The following HTRA3 variants were observed in gnomAD, a reference collection of about 807,000 sequenced individuals.
HTRA3 encodes the protein serine protease HTRA3.
A neutral mutation model predicts 43.2 loss-of-function variants in HTRA3; 41 were observed. That is an observed-to-expected ratio of 0.95 (90% CI 0.74 to 1.23). The LOEUF (loss-of-function observed/expected upper bound fraction) is 1.23, where lower values mean the gene tolerates loss of function less well. Ranked by LOEUF, HTRA3 falls within the 50% of genes most tolerant of loss-of-function variation. HTRA3 has a pLI of 0.00. For missense variants in HTRA3, 628 were observed against 647.1 expected, an observed-to-expected ratio of 0.97 and a Z score of 0.32; for synonymous variants, 295 against 287.9, an observed-to-expected ratio of 1.02 and a Z score of -0.25.
chr4:8,304,651 T>G (rs866516005), intron 8 of HTRA3, among the ~76,000 whole-genome samples: 22,246 of 114,820 alleles, frequency 0.19, 3,043 homozygotes, highest in South Asian at 0.27. Context: ...TTGTTTTTTT[T>G]TTTTTTTTTT....
At chr4:8,305,945 G>A (rs1352420517) in intron 8 of HTRA3, 26 bp from the exon 9 acceptor site, 21 of 1,610,776 alleles carry the variant, frequency 1.3e-5, no homozygotes, top group African/African-American at 2.7e-5. Context: ...GGCGGTGGGT[G>A]GTGACCCCGT....
chr4:8,282,548 C>A lies in HTRA3; in HGVS notation c.485+12C>A. 9 of 1,593,238 alleles carry A rather than the reference C, an allele frequency of 5.6e-6. No homozygotes were observed. The highest frequency in any genetic ancestry group is 7.7e-6 in the Non-Finnish European group (9 of 1,161,742). On this transcript the variant is annotated intron_variant, in intron 2 of 8. Transcript: ENST00000307358. Reference sequence around the variant, plus strand: ...GAGCTCTTCCTGAGGTGGGTGAATACCCCTCGCCCCTCTCTGCCTCCTGGT... The same window carrying A: ...GAGCTCTTCCTGAGGTGGGTGAATAACCCTCGCCCCTCTCTGCCTCCTGGT...
chr4:8,278,261 T>C (rs1486558088), intron 1 of HTRA3, among the ~76,000 whole-genome samples: 1 of 152,038 alleles, frequency 6.6e-6, no homozygotes, highest in Non-Finnish European at 1.5e-5. Flanking sequence ...TTGTCTCCCC[T>C]GCCCTGTTGC....
intron 3 of HTRA3, among the ~76,000 whole-genome samples, chr4:8,289,487 G>T (rs1713140117): frequency 6.6e-6 from 1 of 152,242 alleles, no homozygotes; most frequent in Non-Finnish European, 1.5e-5. Flanking sequence ...GAGACTAGGG[G>T]CAGGTCTGTC....
Position 8,302,325 on chromosome 4 carries a change from A to G in HTRA3, c.1052-138A>G, listed in dbSNP as rs541685793. ...GGCAGCTTTGCTGGACCGCAGGGGG[A>G]CTGGGCCAGCTCAAGCAGAATGACA... On this transcript the variant is annotated intron_variant, in intron 6 of 8. Coordinates refer to ENST00000307358, the MANE Select transcript of HTRA3 (RefSeq NM_053044.5). The G allele has an allele frequency of 1.6e-4, 125 of 759,008 alleles. No homozygotes were observed. The East Asian group carries it at 3.1e-3, about 19-fold the overall frequency. 47.0% of individuals were successfully genotyped at this position (759,008 alleles called of 1,614,324 possible).
chr4:8,288,016 C>A (rs1713064971), intron 3 of HTRA3, among the ~76,000 whole-genome samples: 1 of 152,194 alleles, frequency 6.6e-6, no homozygotes, highest in South Asian at 2.1e-4. Context: ...GGGAAGTTCA[C>A]CTTGGCTGGT....
At position 8,296,347 on chromosome 4, in the gene HTRA3, T is replaced by C. The variant is rs1229782281; in HGVS notation, c.1051+2146T>C. 1.3e-5 allele frequency: 13 copies of C among 985,368 alleles called. No homozygotes were observed. The highest frequency in any genetic ancestry group is 5.2e-5 in the African/African-American group (3 of 57,250). 61.0% of individuals were successfully genotyped at this position (985,368 alleles called of 1,614,324 possible). A position where few individuals can be genotyped will look rare whatever the true frequency, so the allele number is the denominator to read the frequency against. ...AGCTGTGTCCCCTCCCCAAGGACAG[T>C]GCAGACTAACTGAGGAGCCTGATAA... On this transcript the variant is annotated intron_variant, in intron 6 of 8. Transcript: ENST00000307358. The surrounding 1 kb of genome is among the most constrained non-coding windows in gnomAD (Gnocchi z 5.3).
In HTRA3 at chr4:8,306,073, A is replaced by G. The variant is rs781568781; in HGVS notation, c.1299A>G (p.Leu433=). ...QEAVLTESPL[L]LEVRRGNDDL... The stretch of plus-strand genomic sequence containing the variant: ...CCGTGCTGACCGAGTCTCCTCTCCT[A>G]CTGGAGGTGCGGCGGGGGAACGACG... Residue 433 remains leucine, a synonymous_variant, in exon 9 of 9, where the codon CTA becomes CTG. Coordinates refer to ENST00000307358, the MANE Select transcript of HTRA3 (RefSeq NM_053044.5). This position sits in a 1 kb window ranked among gnomAD's most constrained non-coding sequence, Gnocchi z 8.9. 97 of 1,610,624 alleles carry G rather than the reference A, an allele frequency of 6.0e-5. No individual in the cohort carries two copies. Among genetic ancestry groups the G allele is most frequent in the Non-Finnish European group, 3.3e-5 (39 of 1,178,030 alleles).
intron 3 of HTRA3, among the ~76,000 whole-genome samples, chr4:8,290,658 C>G (rs543586222): frequency 1.3e-5 from 2 of 152,314 alleles, no homozygotes; most frequent in African/African-American, 2.4e-5. Context: ...AACAAGCACC[C>G]GGGATTACCT....
In HTRA3 at chr4:8,286,693, G is replaced by A. The variant is rs752677540; in HGVS notation, c.618G>A (p.Lys206=). 2 of 1,614,046 alleles carry A rather than the reference G, an allele frequency of 1.2e-6. No individual in the cohort carries two copies. The highest frequency in any genetic ancestry group is 1.7e-6 in the Non-Finnish European group (2 of 1,180,012). Residue 206 remains lysine (K), a synonymous_variant, in exon 3 of 9, where the codon AAG becomes AAA. Transcript: ENST00000307358. This position sits in a 1 kb window ranked among gnomAD's most constrained non-coding sequence, Gnocchi z 4.9. ...NSAAPGRQQL[K]VQLQNGDSYE... is the part of the protein sequence containing the mutation. ...CTGCCCCGGGCAGGCAGCAGCTCAA[G>A]GTGCAGCTACAGAATGGGGACTCCT...
chr4:8,298,631 G>T (rs1332310714), intron 6 of HTRA3, among the ~76,000 whole-genome samples: 5 of 151,956 alleles, frequency 3.3e-5, no homozygotes, highest in African/African-American at 9.7e-5. Flanking sequence ...TACTTTTTGA[G>T]GTTTCAGATT....
At chr4:8,276,112 T>C (rs1712513618) in intron 1 of HTRA3, among the ~76,000 whole-genome samples, 1 of 152,204 alleles carries the variant, frequency 6.6e-6, no homozygotes, top group African/African-American at 2.4e-5. Context: ...AATTGTGCAA[T>C]GTACAGCCTG....
rs1560144611 is a variant in HTRA3 at position 8,304,643 on chromosome 4, G to GTTTTTTGTGTTTTTTTTTTTTTTT, written c.1196+370_1196+371insGTGTTTTTTTTTTTTTTTTTTTTT. Among the ~76,000 whole-genome samples, 3 of 62,736 alleles carry GTTTTTTGTGTTTTTTTTTTTTTTT rather than the reference G, an allele frequency of 4.8e-5. 1 individual carries two copies. Among genetic ancestry groups the GTTTTTTGTGTTTTTTTTTTTTTTT allele is most frequent in the African/African-American group, 1.4e-4 (2 of 14,630 alleles). The allele number at this position is 62,736 out of a possible 152,430, so 41.2% of individuals were successfully genotyped here. The stretch of plus-strand genomic sequence containing the variant: ...TAAAGTGGAGATAATTCAGCCTATT[G>GTTTTTTGTGTTTTTTTTTTTTTTT]TTTTTTTTTTTTTTTTTTTTTTTTT... On this transcript the variant is annotated intron_variant, in intron 8 of 8. Transcript: ENST00000307358.
intron 1 of HTRA3, among the ~76,000 whole-genome samples, chr4:8,281,612 G>A (rs1264057249): frequency 1.3e-5 from 2 of 152,254 alleles, no homozygotes; most frequent in Non-Finnish European, 2.9e-5. Context: ...GGAGCCACGA[G>A]CGAGGCTGAG....
chr4:8,274,831 A>G (rs947835159), intron 1 of HTRA3, among the ~76,000 whole-genome samples: 1 of 152,242 alleles, frequency 6.6e-6, no homozygotes, highest in Admixed American at 6.5e-5. Context: ...GTAGAGCCCC[A>G]GAGCAGTTTA....
chr4:8,289,451 G>A (rs1157946190), intron 3 of HTRA3, among the ~76,000 whole-genome samples: 4 of 152,202 alleles, frequency 2.6e-5, no homozygotes, highest in African/African-American at 7.2e-5. Flanking sequence ...ACCCCCGCTC[G>A]AGGACCCCTG....
Position 8,288,932 on chromosome 4 carries a change from T to TCCTTCCTC in HTRA3, c.708+2152_708+2153insTCCTCCCT, listed in dbSNP as rs1560138850. On this transcript the variant is annotated intron_variant, in intron 3 of 8. Coordinates refer to ENST00000307358, the MANE Select transcript of HTRA3 (RefSeq NM_053044.5). Reference sequence around the variant, plus strand: ...TTCCTTCCTTCCTTCCTTCCTTCCTTCCTCCCTTCCTCCCCCTCTCTCTCT... The same window carrying TCCTTCCTC: ...TTCCTTCCTTCCTTCCTTCCTTCCTTCCTTCCTCCCTCCCTTCCTCCCCCTCTCTCTCT... 1.4e-4 allele frequency among the ~76,000 whole-genome samples: 19 copies of TCCTTCCTC among 137,502 alleles called. No individual in the cohort carries two copies. The South Asian group carries it at 4.6e-3, about 33-fold the overall frequency. 90.2% of individuals were successfully genotyped at this position (137,502 alleles called of 152,430 possible).
At chr4:8,290,440 G>T (rs1002335173) in intron 3 of HTRA3, among the ~76,000 whole-genome samples, 1 of 152,234 alleles carries the variant, frequency 6.6e-6, no homozygotes, top group African/African-American at 2.4e-5. Flanking sequence ...CTAAGTTGGG[G>T]CAATGCTCTT....
intron 3 of HTRA3, among the ~76,000 whole-genome samples, chr4:8,287,430 G>A (rs578240355): frequency 2.6e-5 from 4 of 152,160 alleles, no homozygotes; most frequent in African/African-American, 9.7e-5. Flanking sequence ...AAGAAAAGAG[G>A]GTTCGTTGAC....
Sources: gnomAD v4.1 joint callset for allele counts (sites outside exome capture counted in the v4.1 genomes callset) on GRCh38, gnomAD v4.1.1 for gene constraint, Gnocchi (gnomAD v3.1) non-coding constraint, MANE v1.5 for transcripts, NCBI Gene and HGNC (gene_info 2026-07-23, HGNC 2026-07-21) for gene names.